MIX23: variants seen among roughly 807,000 people sequenced by gnomAD.
MIX23 encodes the protein mitochondrial matrix import factor 23.
MIX23 carries 13 observed loss-of-function variants against 21.6 expected under a neutral mutation model. The ratio of observed to expected loss-of-function variants is 0.60; its 90% CI spans 0.39 to 0.96. The LOEUF is 0.96. Among genes scored for constraint, MIX23 ranks in the 40% least tolerant of loss-of-function variants. MIX23 has a pLI of 0.00. For missense variants in MIX23, 144 were observed against 171.2 expected, an observed-to-expected ratio of 0.84 and a Z score of 0.89; for synonymous variants, 59 against 58.0, an observed-to-expected ratio of 1.02 and a Z score of -0.08.
intron 2 of MIX23, among the ~76,000 whole-genome samples, chr3:122,368,800 T>C (rs1214200034): frequency 6.6e-6 from 1 of 152,228 alleles, no homozygotes; most frequent in South Asian, 2.1e-4. Flanking sequence ...AAGTCATGTA[T>C]AGAAGATTTC....
intron 4 of MIX23, among the ~76,000 whole-genome samples, chr3:122,361,503 T>C (rs2075358902): frequency 1.3e-5 from 2 of 152,190 alleles, no homozygotes; most frequent in African/African-American, 2.4e-5. Context: ...GCACCATGGC[T>C]ACATTTTCTT....
rs1266511396 is a variant in MIX23 at position 122,374,122 on chromosome 3, A to T, written c.52-2322T>A. On this transcript the variant is annotated intron_variant, in intron 1 of 4. Transcript: ENST00000291458. ...GGCCTATTTTTTTTTTTTTTTTTAA[A>T]AAAAAAGCCTCTTTAAATTCTCTTT... Among the ~76,000 whole-genome samples the T allele has an allele frequency of 6.5e-3, 717 of 109,596 alleles. 6 individuals are homozygous for T. The highest frequency in any genetic ancestry group is 0.017 in the African/African-American group (523 of 30,424). The allele number at this position is 109,596 out of a possible 152,430, so 71.9% of individuals were successfully genotyped here. A position where few individuals can be genotyped will look rare whatever the true frequency, so the allele number is the denominator to read the frequency against.
chr3:122,368,727 C>T (rs565078165), intron 2 of MIX23, among the ~76,000 whole-genome samples: 46 of 152,316 alleles, frequency 3.0e-4, no homozygotes, highest in African/African-American at 9.6e-4. Context: ...TATTCTTCCT[C>T]TCTTTGTCCT....
intron 1 of MIX23, among the ~76,000 whole-genome samples, chr3:122,375,125 C>T (rs575274246): frequency 4.6e-5 from 7 of 152,090 alleles, no homozygotes; most frequent in Non-Finnish European, 1.0e-4. Flanking sequence ...CACAGCGAGA[C>T]TCTGTCTAAA....
At chr3:122,380,926 C>T (rs2075526395) in intron 1 of MIX23, among the ~76,000 whole-genome samples, 1 of 152,096 alleles carries the variant, frequency 6.6e-6, no homozygotes, top group African/African-American at 2.4e-5. Context: ...ATCATCTCAC[C>T]CCTCTGCCCA....
intron 4 of MIX23, 87 bp from the exon 5 acceptor site, chr3:122,360,006 A>C: frequency 1.6e-6 from 2 of 1,267,266 alleles, no homozygotes; most frequent in Non-Finnish European, 2.2e-6. Context: ...AGGCTCCAAA[A>C]GGCTATTACC....
chr3:122,379,567 T>C, intron 1 of MIX23, among the ~76,000 whole-genome samples: 1 of 152,186 alleles, frequency 6.6e-6, no homozygotes, highest in East Asian at 1.9e-4. Flanking sequence ...AATTACTGAC[T>C]ACCTACCGGA....
chr3:122,372,516 C>A (rs1239861658), intron 1 of MIX23, among the ~76,000 whole-genome samples: 1 of 152,036 alleles, frequency 6.6e-6, no homozygotes, highest in Non-Finnish European at 1.5e-5. Context: ...CAAAACACAG[C>A]CACTTAAAAA....
At chr3:122,375,482 C>G (rs373181408) in intron 1 of MIX23, among the ~76,000 whole-genome samples, 3 of 152,098 alleles carry the variant, frequency 2.0e-5, no homozygotes, top group Non-Finnish European at 1.5e-5. Context: ...AGAAATTTTA[C>G]AGAAAAAAAT....
intron 1 of MIX23, among the ~76,000 whole-genome samples, chr3:122,372,769 T>C (rs73186095): frequency 0.17 from 26,047 of 152,052 alleles, 2,422 homozygotes; most frequent in Middle Eastern, 0.27. Context: ...AGTACAAGGC[T>C]GCAGTGAGCT....
chr3:122,366,087 A>G (rs1276613096), intron 3 of MIX23, among the ~76,000 whole-genome samples: 1 of 151,990 alleles, frequency 6.6e-6, no homozygotes, highest in Non-Finnish European at 1.5e-5. Flanking sequence ...CTGAGGCAGG[A>G]GAATCTCTTG....
chr3:122,370,297 T>C (rs1456716841), intron 2 of MIX23, among the ~76,000 whole-genome samples: 2 of 150,950 alleles, frequency 1.3e-5, no homozygotes, highest in East Asian at 2.0e-4. Flanking sequence ...TACCAAAAAA[T>C]ACAAAAAAAA....
chr3:122,375,149 C>A (rs551389744), intron 1 of MIX23, among the ~76,000 whole-genome samples: 3 of 152,116 alleles, frequency 2.0e-5, no homozygotes, highest in East Asian at 1.9e-4. Context: ...AACAAACAAA[C>A]AAAAAAACTG....
In MIX23 at chr3:122,371,726, G is replaced by A. The variant is rs1238678420; in HGVS notation, c.126C>T (p.Ser42=). 1 of 1,612,316 alleles carries A rather than the reference G, an allele frequency of 6.2e-7. No individual in the cohort carries two copies. The highest frequency in any genetic ancestry group is 2.2e-5 in the East Asian group (1 of 44,858). The part of the protein sequence containing the change: ...HELNTTVPTA[S]FAGKIDASQT... ...GGCTGGCATCAATTTTCCCTGCAAA[G>A]GAAGCTGTTGGAACCGTAGTGTTTA... is the stretch of plus-strand genomic sequence containing the variant. The change falls in exon 2 of 5, where the codon TCC becomes TCT. Residue 42 remains serine, a synonymous_variant. Coordinates refer to ENST00000291458, the MANE Select transcript of MIX23 (RefSeq NM_001017928.4).
intron 1 of MIX23, among the ~76,000 whole-genome samples, chr3:122,378,536 C>T (rs1203880874): frequency 1.3e-5 from 2 of 152,190 alleles, no homozygotes; most frequent in Admixed American, 6.5e-5. Context: ...GGCCTACTTA[C>T]ACACTTAGGC....
At chr3:122,381,461 C>G (rs1030131838) in intron 1 of MIX23, among the ~76,000 whole-genome samples, 1 of 152,216 alleles carries the variant, frequency 6.6e-6, no homozygotes, top group Non-Finnish European at 1.5e-5. Context: ...CGCCATGGCT[C>G]ACGCCTGTAA....
chr3:122,379,840 T>C (rs1249105542), intron 1 of MIX23, among the ~76,000 whole-genome samples: 1 of 152,210 alleles, frequency 6.6e-6, no homozygotes, highest in Non-Finnish European at 1.5e-5. Context: ...TTCATCCTCC[T>C]CAAAACAAGA....
chr3:122,366,141 G>A (rs894759007), intron 3 of MIX23, among the ~76,000 whole-genome samples: 1 of 151,408 alleles, frequency 6.6e-6, no homozygotes, highest in Non-Finnish European at 1.5e-5. Flanking sequence ...TTGCACCACT[G>A]CACTCCAGCC....
At chr3:122,370,541 G>GAT (rs2075433800) in intron 2 of MIX23, among the ~76,000 whole-genome samples, 1 of 151,346 alleles carries the variant, frequency 6.6e-6, no homozygotes, top group Non-Finnish European at 1.5e-5. Flanking sequence ...GCAGATGTGA[G>GAT]ATTAATCTAG....
Sources: allele counts gnomAD v4.1 joint callset (sites outside exome capture counted in the v4.1 genomes callset), GRCh38; gene constraint gnomAD v4.1.1; transcripts MANE v1.5; gene names NCBI Gene and HGNC (gene_info 2026-07-23, HGNC 2026-07-21).